The following LIN52 variants were observed in gnomAD, a reference collection of about 807,000 sequenced individuals.
LIN52 encodes the protein protein lin-52 homolog.
Under a neutral mutation model 18.5 loss-of-function variants are expected in LIN52, and 4 were observed. That is an observed-to-expected ratio of 0.22 (90% CI 0.11 to 0.49). The LOEUF is 0.49. Among genes scored for constraint, LIN52 ranks in the 20% least tolerant of loss-of-function variants. The pLI, the probability that LIN52 is intolerant of heterozygous loss-of-function variation, is 0.97. For synonymous variants in LIN52, 34 were observed against 45.5 expected (o/e 0.75, Z 1.02); for missense variants, 102 against 139.5 (o/e 0.73, Z 1.35).
intron 5 of LIN52, among the ~76,000 whole-genome samples, chr14:74,168,600 G>A (rs62006776): frequency 1.4e-4 from 22 of 152,046 alleles, no homozygotes; most frequent in Admixed American, 1.1e-3. Flanking sequence ...CCCAGGAGGC[G>A]GAGCTTGCAG....
chr14:74,102,775 A>G (rs1405461456), intron 5 of LIN52, among the ~76,000 whole-genome samples: 2 of 152,226 alleles, frequency 1.3e-5, no homozygotes, highest in African/African-American at 2.4e-5. Context: ...TAGATTTGTC[A>G]GTAGTATTAT....
intron 5 of LIN52, 68 bp downstream of exon 5, chr14:74,101,306 C>A: frequency 9.5e-7 from 1 of 1,052,420 alleles, no homozygotes; most frequent in Non-Finnish European, 1.4e-6. Context: ...ACCCTGAGCT[C>A]AGGTATTCCA....
chr14:74,105,014 TATC>T (rs2060887712), intron 5 of LIN52, among the ~76,000 whole-genome samples: 2 of 152,244 alleles, frequency 1.3e-5, no homozygotes, highest in South Asian at 4.1e-4. Flanking sequence ...GACTGTATCT[TATC>T]AACTATTTGG....
At chr14:74,147,906 C>T (rs965853801) in intron 5 of LIN52, among the ~76,000 whole-genome samples, 35 of 152,114 alleles carry the variant, frequency 2.3e-4, no homozygotes, top group Non-Finnish European at 1.5e-5. Context: ...TGCAAACACA[C>T]TTAATGCCAC....
rs1465120156 is a variant in LIN52 at position 74,201,003 on chromosome 14, CTCTT to C, written c.*2032_*2035del. On this transcript the variant is annotated 3_prime_UTR_variant, in exon 6 of 6. Transcript: ENST00000555028. ...GGTTGGTTTTCTGGTCCGCTTTGTC[CTCTT>C]TCTTTTACCGTCATCCTATTCACCA... 1 of 152,166 alleles carries C rather than the reference CTCTT, an allele frequency of 6.6e-6. No individual in the cohort carries two copies. Among genetic ancestry groups the C allele is most frequent in the African/African-American group, 2.4e-5 (1 of 41,438 alleles). 9.4% of individuals were successfully genotyped at this position (152,166 alleles called of 1,614,324 possible).
intron 5 of LIN52, among the ~76,000 whole-genome samples, chr14:74,190,897 A>T (rs2078871811): frequency 6.6e-6 from 1 of 152,220 alleles, no homozygotes; most frequent in Non-Finnish European, 1.5e-5. Flanking sequence ...TGAAGCTCCA[A>T]AAGACCCGTC....
chr14:74,115,281 G>C (rs2060958045), intron 5 of LIN52, among the ~76,000 whole-genome samples: 1 of 152,178 alleles, frequency 6.6e-6, no homozygotes, highest in Non-Finnish European at 1.5e-5. Context: ...ATTATTTAAA[G>C]TCATTGCCAA....
intron 5 of LIN52, among the ~76,000 whole-genome samples, chr14:74,184,195 C>G (rs576422646): frequency 6.6e-6 from 1 of 152,336 alleles, no homozygotes; most frequent in South Asian, 2.1e-4. Flanking sequence ...ATCCTCCCAC[C>G]TCAGCCTCCC....
chr14:74,134,895 T>C (rs942169422), intron 5 of LIN52, among the ~76,000 whole-genome samples: 1 of 152,222 alleles, frequency 6.6e-6, no homozygotes, highest in Admixed American at 6.5e-5. Context: ...AGTGTTTTCT[T>C]CCTTATAGTA....
chr14:74,164,786 A>G (rs2358627), intron 5 of LIN52, among the ~76,000 whole-genome samples: 16,993 of 152,180 alleles, frequency 0.11, 1,244 homozygotes, highest in Admixed American at 0.19. Flanking sequence ...CTTACAGTCA[A>G]CAAGCCTAGC....
At chr14:74,175,929 A>G (rs1159618727) in intron 5 of LIN52, among the ~76,000 whole-genome samples, 1 of 152,068 alleles carries the variant, frequency 6.6e-6, no homozygotes, top group Non-Finnish European at 1.5e-5. Context: ...ACAGTGAGCC[A>G]TGATCAGGCC....
chr14:74,159,868 T>C (rs1179454743), intron 5 of LIN52, among the ~76,000 whole-genome samples: 1 of 152,160 alleles, frequency 6.6e-6, no homozygotes, highest in Admixed American at 6.6e-5. Flanking sequence ...CACCGTGCCC[T>C]GCCTACAGCT....
chr14:74,099,725 A>T (rs973276269), intron 4 of LIN52, among the ~76,000 whole-genome samples: 2 of 151,868 alleles, frequency 1.3e-5, no homozygotes, highest in Non-Finnish European at 2.9e-5. Context: ...GCTAGTGCTG[A>T]TTGATTGGGC....
rs542332573 is a variant in LIN52 at position 74,101,607 on chromosome 14, C to T, written c.283+369C>T. Among the ~76,000 whole-genome samples the T allele has an allele frequency of 6.3e-3, 952 of 151,762 alleles. 15 individuals are homozygous for T. The highest frequency in any genetic ancestry group is 0.022 in the African/African-American group (916 of 41,400). On this transcript the variant is annotated intron_variant, in intron 5 of 5. Coordinates refer to ENST00000555028, the MANE Select transcript of LIN52 (RefSeq NM_001024674.3). ...CCAAGTAGCTGGGACTACAGGCGCC[C>T]GCCACTACGCCCGGCTGATTTTTTT... is the stretch of plus-strand genomic sequence containing the variant.
intron 2 of LIN52, 80 bp from the exon 3 acceptor site, chr14:74,095,868 G>A: frequency 1.2e-6 from 1 of 845,066 alleles, no homozygotes; most frequent in Non-Finnish European, 1.9e-6. Flanking sequence ...AACAGACAAA[G>A]CTGTTTTCTT....
chr14:74,191,227 T>C (rs1242073613), intron 5 of LIN52, among the ~76,000 whole-genome samples: 1 of 152,244 alleles, frequency 6.6e-6, no homozygotes, highest in Non-Finnish European at 1.5e-5. Context: ...TCCACCAGAA[T>C]ACCTGTTAAC....
chr14:74,120,480 C>T (rs1371893291), intron 5 of LIN52, among the ~76,000 whole-genome samples: 1 of 147,064 alleles, frequency 6.8e-6, no homozygotes, highest in Non-Finnish European at 1.5e-5. Context: ...GTAGGCCAGG[C>T]GTGGTAGCTC....
intron 5 of LIN52, among the ~76,000 whole-genome samples, chr14:74,193,160 T>G (rs921646236): frequency 2.6e-5 from 4 of 151,366 alleles, no homozygotes; most frequent in Admixed American, 2.6e-4. Flanking sequence ...TATACTTCAT[T>G]AAGTTATTTT....
At chr14:74,195,184 T>A (rs113565183) in intron 5 of LIN52, among the ~76,000 whole-genome samples, 7 of 152,290 alleles carry the variant, frequency 4.6e-5, no homozygotes, top group African/African-American at 1.7e-4. Context: ...TCACTGACTC[T>A]ATATAACACT....
Sources: allele counts gnomAD v4.1 joint callset (sites outside exome capture counted in the v4.1 genomes callset), GRCh38; gene constraint gnomAD v4.1.1; transcripts MANE v1.5; gene names NCBI Gene and HGNC (gene_info 2026-07-23, HGNC 2026-07-21).